Variants in MYO1D observed in about 807,000 individuals in gnomAD.
MYO1D encodes the protein unconventional myosin-Id.
In MYO1D, 83 loss-of-function variants were observed where a neutral mutation model predicts 122.0. The ratio of observed to expected loss-of-function variants is 0.68; its 90% CI spans 0.57 to 0.82. The LOEUF is 0.82. MYO1D is among the 40% of genes least tolerant of loss of function. MYO1D has a pLI of 0.00. For synonymous variants in MYO1D, 464 were observed against 446.9 expected, an observed-to-expected ratio of 1.04 and a Z score of -0.48; for missense variants, 1,157 against 1,269.5, an observed-to-expected ratio of 0.91 and a Z score of 1.35.
intron 16 of MYO1D, among the ~76,000 whole-genome samples, chr17:32,688,786 C>G (rs538330593): frequency 1.3e-5 from 2 of 152,140 alleles, no homozygotes; most frequent in South Asian, 4.1e-4. Context: ...TGTGCAGATC[C>G]AAGTCAAGGG....
chr17:32,760,417 G>T lies in MYO1D; in HGVS notation c.1182-13C>A. ...GAATTGTTCAAAACTACAAGAAAAG[G>T]AATAAATTAAGTTTCAACAAATAGA... On this transcript the variant is annotated splice_polypyrimidine_tract_variant and intron_variant, in intron 9 of 21. Transcript: ENST00000318217. 11 of 1,604,538 alleles carry T rather than the reference G, an allele frequency of 6.9e-6. No individual in the cohort carries two copies. Among genetic ancestry groups the T allele is most frequent in the Non-Finnish European group, 9.4e-6 (11 of 1,173,112 alleles).
chr17:32,722,495 A>ATCT (rs1402563750), intron 14 of MYO1D, among the ~76,000 whole-genome samples: 3 of 151,980 alleles, frequency 2.0e-5, no homozygotes, highest in Admixed American at 2.0e-4. Context: ...AAAGCCAGCA[A>ATCT]TGGCCAGTTG....
In MYO1D at chr17:32,775,892, C is replaced by T; in HGVS notation, c.536G>A (p.Gly179Glu). ...NFDFKGDPIG[G>E]HINNYLLEKS... ...TTCTAGTAAGTAGTTATTGATATGCCCACCAATAGGGTCACCCTTGAAGTC... is the reference window on the plus strand; with the variant it reads ...TTCTAGTAAGTAGTTATTGATATGCTCACCAATAGGGTCACCCTTGAAGTC... The change falls in exon 4 of 22, where the codon GGG becomes GAG. Residue 179 changes from glycine (G) to glutamate (E), a missense_variant. Gly to Glu is a moderately conservative substitution (Grantham distance 98). Coordinates refer to ENST00000318217, the MANE Select transcript of MYO1D (RefSeq NM_015194.3). The T allele has an allele frequency of 6.2e-7, 1 of 1,612,494 alleles. No homozygotes were observed.
chr17:32,804,386 G>T lies in MYO1D; in HGVS notation c.96-23602C>A, dbSNP rs1227656493. On this transcript the variant is annotated intron_variant, in intron 1 of 21. Transcript: ENST00000318217. ...ACTAACACTAACTAGTATGACTAGG[G>T]TTTACTTTGGAGTTTACAGGAATAT... Among the ~76,000 whole-genome samples, 3 of 152,120 alleles carry T rather than the reference G, an allele frequency of 2.0e-5. No individual in the cohort carries two copies. The East Asian group carries it at 5.8e-4, about 29-fold the overall frequency.
chr17:32,721,751 G>A (rs190145008), intron 14 of MYO1D, among the ~76,000 whole-genome samples: 12 of 152,234 alleles, frequency 7.9e-5, no homozygotes, highest in Non-Finnish European at 1.6e-4. Flanking sequence ...ACCACCTACA[G>A]GCATCACTGA....
At chr17:32,652,790 C>A (rs2088410202) in intron 19 of MYO1D, among the ~76,000 whole-genome samples, 1 of 152,150 alleles carries the variant, frequency 6.6e-6, no homozygotes, top group African/African-American at 2.4e-5. Context: ...TCTCAATATG[C>A]CCTACTCCTC....
chr17:32,788,086 T>G (rs1205610273), intron 1 of MYO1D, among the ~76,000 whole-genome samples: 1 of 152,200 alleles, frequency 6.6e-6, no homozygotes, highest in Non-Finnish European at 1.5e-5. Context: ...TTTCACTTAA[T>G]GACCTCTTTT....
intron 16 of MYO1D, among the ~76,000 whole-genome samples, chr17:32,676,657 G>A (rs1223133823): frequency 2.6e-5 from 4 of 152,116 alleles, no homozygotes; most frequent in African/African-American, 9.6e-5. Context: ...ACCACAAGGG[G>A]GAGCCAGACT....
intron 1 of MYO1D, among the ~76,000 whole-genome samples, chr17:32,865,360 T>C (rs1212492842): frequency 6.6e-6 from 1 of 151,424 alleles, no homozygotes; most frequent in East Asian, 1.9e-4. Flanking sequence ...TTCATTGTTT[T>C]AGATTAAGCC....
intron 1 of MYO1D, among the ~76,000 whole-genome samples, chr17:32,840,071 G>C (rs773620726): frequency 7.7e-4 from 117 of 152,314 alleles, no homozygotes; most frequent in Middle Eastern, 3.4e-3. Flanking sequence ...TCATTCAGGA[G>C]ATGTTTACCC....
chr17:32,789,941 G>A (rs941159154), intron 1 of MYO1D, among the ~76,000 whole-genome samples: 1 of 152,026 alleles, frequency 6.6e-6, no homozygotes, highest in Non-Finnish European at 1.5e-5. Flanking sequence ...CCTGGTTTGT[G>A]GTAATTTGTT....
chr17:32,684,895 T>C (rs184343188), intron 16 of MYO1D, among the ~76,000 whole-genome samples: 23 of 152,334 alleles, frequency 1.5e-4, no homozygotes, highest in African/African-American at 5.3e-4. Context: ...AAATACAAAC[T>C]CTTCATCTTA....
intron 1 of MYO1D, among the ~76,000 whole-genome samples, chr17:32,814,143 A>C (rs2090594663): frequency 6.6e-6 from 1 of 152,174 alleles, no homozygotes; most frequent in Admixed American, 6.5e-5. Flanking sequence ...CAAGAGATCG[A>C]GACCATCCTG....
rs1210792517 is a variant in MYO1D at position 32,760,302 on chromosome 17, G to T, written c.1284C>A (p.Ile428=). 1.2e-6 allele frequency: 2 copies of T among 1,609,200 alleles called. No homozygotes were observed. Among genetic ancestry groups the T allele is most frequent in the East Asian group, 2.2e-5 (1 of 44,728 alleles). The change falls in exon 10 of 22, where the codon ATC becomes ATA. Residue 428 remains isoleucine (I), a synonymous_variant. Transcript: ENST00000318217. ...AGAGTCCACTCACATGTTTCCAGGG[G>T]ATCCCTTCCCGCTGGTATTCCTCTT... ...QEQEEYQREG[I]PWKHIDYFNN...
At chr17:32,773,565 C>A (rs1162717111) in intron 4 of MYO1D, among the ~76,000 whole-genome samples, 9 of 150,270 alleles carry the variant, frequency 6.0e-5, no homozygotes, top group Admixed American at 6.0e-4. Flanking sequence ...TGTCTCTACC[C>A]TCTCTTTTCT....
chr17:32,683,848 C>G (rs1039425767), intron 16 of MYO1D, among the ~76,000 whole-genome samples: 3 of 151,882 alleles, frequency 2.0e-5, no homozygotes, highest in Non-Finnish European at 2.9e-5. Context: ...CCCCCAGCCT[C>G]GTTGCCGCCT....
Position 32,721,022 on chromosome 17 carries a change from C to T in MYO1D, c.1913+1G>A. 1 of 1,613,680 alleles carries T rather than the reference C, an allele frequency of 6.2e-7. No homozygotes were observed. Among genetic ancestry groups the T allele is most frequent in the Non-Finnish European group, 8.5e-7 (1 of 1,179,698 alleles). On this transcript the variant is annotated splice_donor_variant, in intron 15 of 21. Coordinates refer to ENST00000318217, the MANE Select transcript of MYO1D (RefSeq NM_015194.3). LOFTEE classifies it high-confidence loss of function. The stretch of plus-strand genomic sequence containing the variant: ...GGCCTCTCTGACGAGTCTATTCTCA[C>T]CTGTGAAGAAACTTCTCGTATGTCT...
intron 1 of MYO1D, among the ~76,000 whole-genome samples, chr17:32,808,669 GC>G (rs2090542607): frequency 6.6e-6 from 1 of 152,140 alleles, no homozygotes; most frequent in Non-Finnish European, 1.5e-5. Context: ...CAAGGGTAGA[GC>G]CCTCATGAAT....
chr17:32,553,901 T>A (rs1252512276), intron 21 of MYO1D, among the ~76,000 whole-genome samples: 1 of 152,168 alleles, frequency 6.6e-6, no homozygotes, highest in Admixed American at 6.5e-5. Context: ...GCTTAGATAT[T>A]TCCACCTGAA....
Sources: allele counts gnomAD v4.1 joint callset (sites outside exome capture counted in the v4.1 genomes callset), GRCh38; gene constraint gnomAD v4.1.1; transcripts MANE v1.5; gene names NCBI Gene and HGNC (gene_info 2026-07-23, HGNC 2026-07-21).